PLXNB1: variants seen among roughly 807,000 people sequenced by gnomAD.
PLXNB1 encodes plexin B1.
PLXNB1 carries 106 observed loss-of-function variants against 209.4 expected under a neutral mutation model. The observed-to-expected ratio is 0.51, with a 90% CI of 0.43 to 0.59. The LOEUF (loss-of-function observed/expected upper bound fraction) is 0.59. PLXNB1 is among the 20% of genes least tolerant of loss of function. The pLI, the probability that PLXNB1 is intolerant of heterozygous loss-of-function variation, is 0.00. For synonymous variants in PLXNB1, 1,167 were observed against 1,183.2 expected (o/e 0.99, Z 0.28); for missense variants, 2,357 against 2,853.2 (o/e 0.83, Z 3.96).
intron 10 of PLXNB1, 66 bp downstream of exon 10, chr3:48,420,599 T>C (rs1014487275): frequency 8.5e-6 from 11 of 1,288,688 alleles, no homozygotes; most frequent in African/African-American, 1.5e-5. Flanking sequence ...CCCCGGGCCA[T>C]GAGAAAAACT....
At position 48,420,705 on chromosome 3, in the gene PLXNB1, T is replaced by G; in HGVS notation, c.1988A>C (p.Lys663Thr). The G allele has an allele frequency of 6.2e-7, 1 of 1,614,052 alleles. No homozygotes were observed. Among genetic ancestry groups the G allele is most frequent in the South Asian group, 1.1e-5 (1 of 91,074 alleles). Residue 663 changes from lysine (K) to threonine (T), a missense_variant, in exon 10 of 38, where the codon AAG (lysine) becomes ACG (threonine). Lys to Thr is a moderately conservative substitution (Grantham distance 78). Around this residue, in one of 7 missense-constraint regions of PLXNB1, gnomAD observed 214 missense variants for 297.1 expected, o/e 0.72. Transcript: ENST00000296440. ...WCVWQHLCTH[K>T]ASCDAGPMVA... ...CATGGGCCCAGCATCACACGAGGCC[T>G]TGTGGGTGCACAGGTGCTGCCAGAC...
chr3:48,409,822 G>A lies in PLXNB1; in HGVS notation c.5778+83C>T, dbSNP rs1401154615. The A allele has an allele frequency of 1.0e-5, 16 of 1,574,244 alleles. No individual in the cohort carries two copies. Among genetic ancestry groups the A allele is most frequent in the South Asian group, 4.6e-5 (4 of 86,542 alleles). ...ACACCCCCCGGCACTGTGCCTGCAC[G>A]AGCCCCACACCACCCCCAAATCCCA... On this transcript the variant is annotated intron_variant, in intron 32 of 37. Coordinates refer to ENST00000296440, the MANE Select transcript of PLXNB1 (RefSeq NM_001130082.3). This position sits in a 1 kb window ranked among gnomAD's most constrained non-coding sequence, Gnocchi z 5.8.
rs545977877 is a variant in PLXNB1, at chr3:48,420,264, G to T, written c.2029-7C>A. 5.2e-6 allele frequency: 8 copies of T among 1,531,044 alleles called. No individual in the cohort carries two copies. The African/African-American group carries it at 6.9e-5, about 13-fold the overall frequency. 94.8% of individuals were successfully genotyped at this position (1,531,044 alleles called of 1,614,324 possible). Reference sequence around the variant, plus strand: ...CTGGGGAGACAAGCGGGCTCTGAAGGGGGAGGCAGAGGAAGACAGGAAGGG... The same window carrying T: ...CTGGGGAGACAAGCGGGCTCTGAAGTGGGAGGCAGAGGAAGACAGGAAGGG... On this transcript the variant is annotated splice_region_variant and splice_polypyrimidine_tract_variant and intron_variant, in intron 10 of 37. Transcript: ENST00000296440.
At position 48,419,546 on chromosome 3, in the gene PLXNB1, CCT is replaced by C. The variant is rs776845428; in HGVS notation, c.2709+29_2709+30del. ...GTAGCATCTTCCCCACATCCCCTCC[CCT>C]GAGGCCTCCTTCCTGGGCTGGGCCT... On this transcript the variant is annotated intron_variant, in intron 11 of 37. Coordinates refer to ENST00000296440, the MANE Select transcript of PLXNB1 (RefSeq NM_001130082.3). This position sits in a 1 kb window ranked among gnomAD's most constrained non-coding sequence, Gnocchi z 5.7. The C allele has an allele frequency of 1.3e-5, 21 of 1,580,742 alleles. No homozygotes were observed. The highest frequency in any genetic ancestry group is 1.7e-5 in the Non-Finnish European group (20 of 1,157,000).
intron 34 of PLXNB1, among the ~76,000 whole-genome samples, 159 bp from the exon 35 acceptor site, chr3:48,407,250 T>C (rs1446801968): frequency 6.6e-6 from 1 of 152,008 alleles, no homozygotes; most frequent in African/African-American, 2.4e-5. Flanking sequence ...CCAGGACAGG[T>C]GGTCACCCTC....
chr3:48,413,350 C>A lies in PLXNB1; in HGVS notation c.4536-181G>T. The A allele has an allele frequency of 1.6e-6, 1 of 625,680 alleles. No individual in the cohort carries two copies. Among genetic ancestry groups the A allele is most frequent in the South Asian group, 1.9e-5 (1 of 52,416 alleles). 38.8% of individuals were successfully genotyped at this position (625,680 alleles called of 1,614,324 possible). On this transcript the variant is annotated intron_variant, in intron 23 of 37. Transcript: ENST00000296440. This position sits in a 1 kb window ranked among gnomAD's most constrained non-coding sequence, Gnocchi z 5.4. ...CCGTCCCAAGCAAGTCACACACACC[C>A]ATGCCCCGTCTAGCCCAGCACAGTT...
rs139188659 is a variant in PLXNB1 at position 48,412,428 on chromosome 3, A to C, written c.5033+14T>G. ...GCTGTCCAGGGCCCACCCAGCCCCAACAGCCACACAGACCTGCGCAGCATC... is the reference window on the plus strand; with the variant it reads ...GCTGTCCAGGGCCCACCCAGCCCCACCAGCCACACAGACCTGCGCAGCATC... On this transcript the variant is annotated intron_variant, in intron 26 of 37. Transcript: ENST00000296440. 2 of 1,612,462 alleles carry C rather than the reference A, an allele frequency of 1.2e-6. No homozygotes were observed. Among genetic ancestry groups the C allele is most frequent in the Non-Finnish European group, 1.7e-6 (2 of 1,179,222 alleles).
Position 48,424,109 on chromosome 3 carries a change from A to G in PLXNB1, c.503T>C (p.Val168Ala), listed in dbSNP as rs762733652. 2.2e-5 allele frequency: 34 copies of G among 1,556,656 alleles called. No individual in the cohort carries two copies. The highest frequency in any genetic ancestry group is 2.9e-5 in the Non-Finnish European group (33 of 1,150,242). Residue 168 changes from valine to alanine, a missense_variant, in exon 3 of 38, where the codon GTG becomes GCG. Val to Ala is a moderately conservative substitution (Grantham distance 64). Coordinates refer to ENST00000296440, the MANE Select transcript of PLXNB1 (RefSeq NM_001130082.3). Reference protein sequence around the residue: ...QGLAGEPLLFVGRGYTSRGVG... With the variant: ...QGLAGEPLLFAGRGYTSRGVG... ...ACCCCTGCTGGTGTATCCTCGCCCCACAAACAGGAGGGGCTCCCCTGCCAA... is the reference window on the plus strand; with the variant it reads ...ACCCCTGCTGGTGTATCCTCGCCCCGCAAACAGGAGGGGCTCCCCTGCCAA...
Position 48,409,308 on chromosome 3 carries a change from G to A in PLXNB1, c.6087+21C>T. 2 of 1,610,850 alleles carry A rather than the reference G, an allele frequency of 1.2e-6. No homozygotes were observed. Among genetic ancestry groups the A allele is most frequent in the South Asian group, 1.1e-5 (1 of 90,832 alleles). On this transcript the variant is annotated intron_variant, in intron 34 of 37. Transcript: ENST00000296440. This position sits in a 1 kb window ranked among gnomAD's most constrained non-coding sequence, Gnocchi z 5.8. ...TGTCCACCCTCACCCATCCCCCCGT[G>A]TCCATCCCAGACTCGCTCACCCGGC...
rs757484403 is a variant in PLXNB1, at chr3:48,419,865, G to T, written c.2421C>A (p.Pro807=). Residue 807 remains proline, a synonymous_variant, in exon 11 of 38, where the codon CCC becomes CCA. Coordinates refer to ENST00000296440, the MANE Select transcript of PLXNB1 (RefSeq NM_001130082.3). The surrounding 1 kb of genome is among the most constrained non-coding windows in gnomAD (Gnocchi z 5.7). ...GGGGCACTGTGGGATGAAGAGCCTC[G>T]GGGCCAGGGTCTGCAGGGGGCACTG... ...VAAVPPADPG[P]EALHPTVPLD... 6.4e-7 allele frequency: 1 copy of T among 1,568,018 alleles called. No individual in the cohort carries two copies. Among genetic ancestry groups the T allele is most frequent in the Non-Finnish European group, 8.7e-7 (1 of 1,154,994 alleles).
At chr3:48,421,968 A>G in intron 6 of PLXNB1, 137 bp downstream of exon 6, 1 of 1,314,612 alleles carries the variant, frequency 7.6e-7, no homozygotes, top group Admixed American at 2.0e-5. Context: ...AGTGCAGAGG[A>G]TGGGGGTGAG....
chr3:48,414,792 G>A lies in PLXNB1; in HGVS notation c.4209+7C>T. Reference sequence around the variant, plus strand: ...GGGGCCCTGCCAGGTCCAAGTAGGAGCTGTACCTCCACGGAGAACACACTC... The same window carrying A: ...GGGGCCCTGCCAGGTCCAAGTAGGAACTGTACCTCCACGGAGAACACACTC... On this transcript the variant is annotated splice_region_variant and intron_variant, in intron 21 of 37. Transcript: ENST00000296440. 1 of 1,612,040 alleles carries A rather than the reference G, an allele frequency of 6.2e-7. No individual in the cohort carries two copies. Among genetic ancestry groups the A allele is most frequent in the Non-Finnish European group, 8.5e-7 (1 of 1,178,584 alleles).
chr3:48,421,644 C>G, intron 7 of PLXNB1, 30 bp downstream of exon 7: 1 of 1,577,134 alleles, frequency 6.3e-7, no homozygotes, highest in Non-Finnish European at 8.7e-7. Flanking sequence ...GAGCCCTCCC[C>G]ACCAGGGCCC....
In PLXNB1 at chr3:48,422,169, G is replaced by A. The variant is rs2106940728; in HGVS notation, c.1456C>T (p.Leu486=). Residue 486 remains leucine, a synonymous_variant, in exon 6 of 38, where the codon CTG becomes TTG. Transcript: ENST00000296440. ...TGAGCAAGGCAAGATGCACAGTCCA[G>A]GTGCTGAGCACAGGAAGCCACAGGA... ...KVPVASCAQH[L]DCASCLAHRD... is the part of the protein sequence containing the mutation. The A allele has an allele frequency of 1.2e-6, 2 of 1,614,158 alleles. No homozygotes were observed. Among genetic ancestry groups the A allele is most frequent in the Admixed American group, 1.7e-5 (1 of 60,024 alleles).
chr3:48,409,316 C>T lies in PLXNB1; in HGVS notation c.6087+13G>A, dbSNP rs1024647717. On this transcript the variant is annotated intron_variant, in intron 34 of 37. Transcript: ENST00000296440. This position sits in a 1 kb window ranked among gnomAD's most constrained non-coding sequence, Gnocchi z 5.8. The stretch of plus-strand genomic sequence containing the variant: ...CTCACCCATCCCCCCGTGTCCATCC[C>T]AGACTCGCTCACCCGGCCCAGCTTG... 1 of 1,613,940 alleles carries T rather than the reference C, an allele frequency of 6.2e-7. No homozygotes were observed. Among genetic ancestry groups the T allele is most frequent in the Non-Finnish European group, 8.5e-7 (1 of 1,179,966 alleles).
chr3:48,410,039 G>C lies in PLXNB1; in HGVS notation c.5644C>G (p.Arg1882Gly). 1.2e-6 allele frequency: 2 copies of C among 1,608,842 alleles called. No homozygotes were observed. Among genetic ancestry groups the C allele is most frequent in the Non-Finnish European group, 1.7e-6 (2 of 1,176,974 alleles). The change falls in exon 32 of 38, where the codon CGG becomes GGG. Residue 1882 changes from arginine (R) to glycine (G), a missense_variant. Physicochemically the swap from Arg to Gly is moderately radical, Grantham distance 125. Coordinates refer to ENST00000296440, the MANE Select transcript of PLXNB1 (RefSeq NM_001130082.3). This position sits in a 1 kb window ranked among gnomAD's most constrained non-coding sequence, Gnocchi z 6.4. Reference sequence around the variant, plus strand: ...CTTGGCTTCACCAGGTGCCAGGGCCGGATGCCCCCCTCATCTACATCCTCC... The same window carrying C: ...CTTGGCTTCACCAGGTGCCAGGGCCCGATGCCCCCCTCATCTACATCCTCC... The part of the protein sequence containing the change: ...MLEDVDEGGI[R>G]PWHLVKPSDE...
intron 1 of PLXNB1, among the ~76,000 whole-genome samples, chr3:48,425,998 C>G (rs1187054840): frequency 6.6e-6 from 1 of 152,166 alleles, no homozygotes; most frequent in Non-Finnish European, 1.5e-5. Flanking sequence ...CCGAGACATT[C>G]AGACCACCAC....
At position 48,410,054 on chromosome 3, in the gene PLXNB1, C is replaced by G; in HGVS notation, c.5629G>C (p.Asp1877His). The change falls in exon 32 of 38, where the codon GAT becomes CAT. Residue 1877 changes from aspartate to histidine, a missense_variant. By Grantham distance (81) the Asp-to-His change is moderately conservative. Transcript: ENST00000296440. This position sits in a 1 kb window ranked among gnomAD's most constrained non-coding sequence, Gnocchi z 6.4. ...TGCCAGGGCCGGATGCCCCCCTCAT[C>G]TACATCCTCCAGCATTGGGGTCCCT... ...GERTPMLEDV[D>H]EGGIRPWHLV... 6.2e-7 allele frequency: 1 copy of G among 1,601,102 alleles called. No individual in the cohort carries two copies. The highest frequency in any genetic ancestry group is 8.5e-7 in the Non-Finnish European group (1 of 1,172,310).
intron 34 of PLXNB1, 133 bp from the exon 35 acceptor site, chr3:48,407,224 C>G: frequency 1.3e-6 from 1 of 798,626 alleles, no homozygotes; most frequent in Non-Finnish European, 2.0e-6. Flanking sequence ...CCAGGAAGCC[C>G]CTGAGTCCCG....
Sources: allele counts gnomAD v4.1 joint callset (sites outside exome capture counted in the v4.1 genomes callset), GRCh38; gene constraint gnomAD v4.1.1; regional missense constraint gnomAD v4.1.1; non-coding constraint Gnocchi (gnomAD v3.1); transcripts MANE v1.5; gene names NCBI Gene and HGNC (gene_info 2026-07-23, HGNC 2026-07-21).